ADAMTS12: variants seen among roughly 807,000 people sequenced by gnomAD.
ADAMTS12 encodes ADAM metallopeptidase with thrombospondin type 1 motif 12.
In ADAMTS12, 118 loss-of-function variants were observed where a neutral mutation model predicts 167.8. The observed-to-expected ratio is 0.70, with a 90% CI of 0.61 to 0.82. The LOEUF (loss-of-function observed/expected upper bound fraction) is 0.82. ADAMTS12 is among the 40% of genes least tolerant of loss of function. The pLI, the probability that ADAMTS12 is intolerant of heterozygous loss-of-function variation, is 0.00. For missense variants in ADAMTS12, 1,916 were observed against 1,998.8 expected, an observed-to-expected ratio of 0.96 and a Z score of 0.79; for synonymous variants, 704 against 716.9, an observed-to-expected ratio of 0.98 and a Z score of 0.29.
At chr5:33,678,054 A>G (rs1741983154) in intron 5 of ADAMTS12, among the ~76,000 whole-genome samples, 1 of 152,230 alleles carries the variant, frequency 6.6e-6, no homozygotes. Flanking sequence ...TTAGAATAAG[A>G]ACGACAAGAG....
At chr5:33,595,555 C>G (rs1747881191) in intron 17 of ADAMTS12, among the ~76,000 whole-genome samples, 1 of 152,200 alleles carries the variant, frequency 6.6e-6, no homozygotes, top group Admixed American at 6.5e-5. Flanking sequence ...CAAGTGGGCA[C>G]TGTGATCGGA....
intron 3 of ADAMTS12, among the ~76,000 whole-genome samples, chr5:33,693,503 T>G (rs1742630700): frequency 6.6e-6 from 1 of 152,220 alleles, no homozygotes; most frequent in South Asian, 2.1e-4. Context: ...GCCAACTTAT[T>G]ATAAAAATAG....
Position 33,730,865 on chromosome 5 carries a change from T to C in ADAMTS12, c.634+20539A>G, listed in dbSNP as rs1027569871. Among the ~76,000 whole-genome samples, 3 of 152,348 alleles carry C rather than the reference T, an allele frequency of 2.0e-5. No homozygotes were observed. In the East Asian group the frequency reaches 5.8e-4, roughly 29 times the overall value. On this transcript the variant is annotated intron_variant, in intron 3 of 23. Coordinates refer to ENST00000504830, the MANE Select transcript of ADAMTS12 (RefSeq NM_030955.4). ...TAACCCAATTATTGTCCTGAAGTTC[T>C]TCAGCAATGAAGAAATCTGTACCTT...
At chr5:33,711,675 G>T (rs1165546975) in intron 3 of ADAMTS12, among the ~76,000 whole-genome samples, 1 of 152,128 alleles carries the variant, frequency 6.6e-6, no homozygotes, top group East Asian at 1.9e-4. Context: ...TATGATCATT[G>T]CTTCCCTCAT....
chr5:33,734,505 T>C (rs954037772), intron 3 of ADAMTS12, among the ~76,000 whole-genome samples: 1 of 152,200 alleles, frequency 6.6e-6, no homozygotes, highest in African/African-American at 2.4e-5. Flanking sequence ...TTAAAAAAAT[T>C]ATAACAAGGA....
At chr5:33,880,973 C>G in intron 2 of ADAMTS12, 146 bp downstream of exon 2, 1 of 1,233,706 alleles carries the variant, frequency 8.1e-7, no homozygotes, top group Non-Finnish European at 1.1e-6. Context: ...TACTTTCTCG[C>G]CAACCACTTT....
chr5:33,625,252 G>A (rs1434368310), intron 13 of ADAMTS12, among the ~76,000 whole-genome samples: 1 of 151,930 alleles, frequency 6.6e-6, no homozygotes, highest in African/African-American at 2.4e-5. Context: ...TAGGTCCAAA[G>A]ACTGTGCTGC....
intron 12 of ADAMTS12, among the ~76,000 whole-genome samples, chr5:33,632,374 G>T (rs1284180242): frequency 1.1e-5 from 1 of 95,226 alleles, no homozygotes; most frequent in Non-Finnish European, 2.6e-5. Context: ...TAACAAACAA[G>T]CACATGTGCT....
Position 33,741,910 on chromosome 5 carries a change from C to T in ADAMTS12, c.634+9494G>A, listed in dbSNP as rs554113587. The stretch of plus-strand genomic sequence containing the variant: ...CGAAGTGCTGGGATTACACCAAACC[C>T]ACTTTTGTGGCTTATTTGGGGGGAA... On this transcript the variant is annotated intron_variant, in intron 3 of 23. Coordinates refer to ENST00000504830, the MANE Select transcript of ADAMTS12 (RefSeq NM_030955.4). 3.9e-5 allele frequency among the ~76,000 whole-genome samples: 6 copies of T among 152,302 alleles called. No homozygotes were observed. The East Asian group carries it at 1.2e-3, about 29-fold the overall frequency.
chr5:33,608,689 C>G (rs1738571520), intron 16 of ADAMTS12, among the ~76,000 whole-genome samples: 1 of 152,136 alleles, frequency 6.6e-6, no homozygotes, highest in Non-Finnish European at 1.5e-5. Context: ...AGCACCCTCC[C>G]AAGGAGCCTG....
In ADAMTS12 at chr5:33,532,340, C is replaced by T. The variant is rs546650809; in HGVS notation, c.4606+2493G>A. Among the ~76,000 whole-genome samples, 109 of 152,240 alleles carry T rather than the reference C, an allele frequency of 7.2e-4. 2 individuals carry two copies. In the South Asian group the frequency reaches 0.022, roughly 31 times the overall value. ...AGCTCTTAGCACTTCTCTGAGACATCTTGTGATCAATAATATTTTGTTGAA... is the reference window on the plus strand; with the variant it reads ...AGCTCTTAGCACTTCTCTGAGACATTTTGTGATCAATAATATTTTGTTGAA... On this transcript the variant is annotated intron_variant, in intron 23 of 23. Transcript: ENST00000504830.
chr5:33,556,298 AT>A (rs1308109242), intron 20 of ADAMTS12, among the ~76,000 whole-genome samples: 2 of 152,194 alleles, frequency 1.3e-5, no homozygotes, highest in Non-Finnish European at 2.9e-5. Flanking sequence ...CCCCTCTGGG[AT>A]TCAATACTGC....
intron 2 of ADAMTS12, among the ~76,000 whole-genome samples, chr5:33,789,150 G>A (rs765731006): frequency 7.3e-5 from 11 of 150,948 alleles, no homozygotes; most frequent in Admixed American, 1.3e-4. Flanking sequence ...TGTGGACATT[G>A]TGTGAATTCC....
At chr5:33,634,837 G>GT (rs1287230017) in intron 12 of ADAMTS12, among the ~76,000 whole-genome samples, 4 of 151,914 alleles carry the variant, frequency 2.6e-5, no homozygotes, top group African/African-American at 9.7e-5. Context: ...TGTCATTGAT[G>GT]TTTTCTCTTT....
Position 33,683,842 on chromosome 5 carries a change from C to T in ADAMTS12, c.831+17G>A. 1 of 1,460,092 alleles carries T rather than the reference C, an allele frequency of 6.8e-7. No homozygotes were observed. The highest frequency in any genetic ancestry group is 1.6e-5 in the South Asian group (1 of 62,674). 90.4% of individuals were successfully genotyped at this position (1,460,092 alleles called of 1,614,324 possible). The stretch of plus-strand genomic sequence containing the variant: ...TCTGTTCACTAGCTGCCCCAGCCCC[C>T]ATGTAGTCTGGCATACCATGTTCAT... On this transcript the variant is annotated intron_variant, in intron 4 of 23. Transcript: ENST00000504830.
intron 18 of ADAMTS12, among the ~76,000 whole-genome samples, chr5:33,582,071 C>T (rs1747091970): frequency 6.6e-6 from 1 of 152,150 alleles, no homozygotes; most frequent in East Asian, 1.9e-4. Context: ...CAACAAATTC[C>T]TGTTGTTTAA....
chr5:33,609,716 C>T (rs899109015), intron 16 of ADAMTS12, among the ~76,000 whole-genome samples: 1 of 152,190 alleles, frequency 6.6e-6, no homozygotes, highest in Non-Finnish European at 1.5e-5. Context: ...AAGACTAGAA[C>T]AGAGACTTGC....
chr5:33,734,858 C>G (rs1744316070), intron 3 of ADAMTS12, among the ~76,000 whole-genome samples: 1 of 152,110 alleles, frequency 6.6e-6, no homozygotes, highest in Non-Finnish European at 1.5e-5. Flanking sequence ...TTGTGGGCCA[C>G]CCTGACAGGG....
At chr5:33,865,886 G>A (rs1432817586) in intron 2 of ADAMTS12, among the ~76,000 whole-genome samples, 1 of 151,958 alleles carries the variant, frequency 6.6e-6, no homozygotes, top group Non-Finnish European at 1.5e-5. Flanking sequence ...AAAATACCTA[G>A]AAATACACAT....
Sources: allele counts gnomAD v4.1 joint callset (sites outside exome capture counted in the v4.1 genomes callset), GRCh38; gene constraint gnomAD v4.1.1; transcripts MANE v1.5; gene names NCBI Gene and HGNC (gene_info 2026-07-23, HGNC 2026-07-21).